The following AKAP6 variants were observed in gnomAD, a reference collection of about 807,000 sequenced individuals.
AKAP6 encodes A-kinase anchor protein 6.
Under a neutral mutation model 188.5 loss-of-function variants are expected in AKAP6, and 58 were observed. That is an observed-to-expected ratio of 0.31 (90% CI 0.25 to 0.38). The LOEUF (loss-of-function observed/expected upper bound fraction) is 0.38, where lower values mean the gene tolerates loss of function less well. Ranked by LOEUF, AKAP6 falls within the 10% of genes least tolerant of loss-of-function variation. AKAP6 has a pLI of 1.00. For synonymous variants in AKAP6, 989 were observed against 998.6 expected (o/e 0.99, Z 0.18); for missense variants, 2,710 against 2,740.0 (o/e 0.99, Z 0.24).
chr14:32,516,498 G>T (rs1469143244), intron 2 of AKAP6, among the ~76,000 whole-genome samples: 1 of 152,136 alleles, frequency 6.6e-6, no homozygotes. Context: ...CCTTGATCAG[G>T]TTTCTTATAA....
chr14:32,662,175 T>C lies in AKAP6; in HGVS notation c.2731-16136T>C, dbSNP rs578019812. 5.3e-5 allele frequency among the ~76,000 whole-genome samples: 8 copies of C among 152,200 alleles called. No individual in the cohort carries two copies. In the South Asian group the frequency reaches 1.0e-3, roughly 20 times the overall value. On this transcript the variant is annotated intron_variant, in intron 7 of 13. Coordinates refer to ENST00000280979, the MANE Select transcript of AKAP6 (RefSeq NM_004274.5). ...TGAAACTATAAAATATAAATAATTA[T>C]GTAAAATATAAAATTTTATAGTTCT...
At chr14:32,813,250 G>T (rs1164139042) in intron 12 of AKAP6, among the ~76,000 whole-genome samples, 1 of 152,120 alleles carries the variant, frequency 6.6e-6, no homozygotes, top group East Asian at 1.9e-4. Flanking sequence ...AAAGAAATGT[G>T]CAGGGTAAGG....
At chr14:32,379,943 T>C (rs1888292759) in intron 1 of AKAP6, among the ~76,000 whole-genome samples, 1 of 152,216 alleles carries the variant, frequency 6.6e-6, no homozygotes, top group Non-Finnish European at 1.5e-5. Flanking sequence ...TCTGTCTCTG[T>C]CTCATCTAGT....
chr14:32,757,656 A>G (rs1462993783), intron 11 of AKAP6, among the ~76,000 whole-genome samples: 1 of 152,230 alleles, frequency 6.6e-6, no homozygotes, highest in Non-Finnish European at 1.5e-5. Context: ...ATCTGTGTCA[A>G]GTGCTGGGCA....
chr14:32,417,498 A>C (rs1024434791), intron 1 of AKAP6, among the ~76,000 whole-genome samples: 1 of 152,192 alleles, frequency 6.6e-6, no homozygotes. Context: ...ATACACAAGG[A>C]AGCTGCCAGT....
intron 1 of AKAP6, among the ~76,000 whole-genome samples, chr14:32,389,186 G>C (rs1473752567): frequency 1.3e-5 from 2 of 152,034 alleles, no homozygotes; most frequent in Non-Finnish European, 2.9e-5. Context: ...GTGTCCATTT[G>C]CCTGAAATGT....
In AKAP6 at chr14:32,540,168, C is replaced by CTCTATA. The variant is rs1240063339; in HGVS notation, c.576+4364_576+4365insCTATAT. 6.4e-3 allele frequency among the ~76,000 whole-genome samples: 388 copies of CTCTATA among 60,828 alleles called. 2 individuals are homozygous for CTCTATA. Among genetic ancestry groups the CTCTATA allele is most frequent in the African/African-American group, 0.013 (129 of 10,210 alleles). The allele number at this position is 60,828 out of a possible 152,430, so 39.9% of individuals were successfully genotyped here. A position where few individuals can be genotyped will look rare whatever the true frequency, so the allele number is the denominator to read the frequency against. On this transcript the variant is annotated intron_variant, in intron 3 of 13. Transcript: ENST00000280979. ...TCTCTCTCTCTCTCTCTCTCTCTCT[C>CTCTATA]TATATATATATATATATATATATAT...
chr14:32,739,950 A>G (rs1166765109), intron 11 of AKAP6, among the ~76,000 whole-genome samples: 1 of 152,034 alleles, frequency 6.6e-6, no homozygotes, highest in Non-Finnish European at 1.5e-5. Flanking sequence ...GAACCTTCAA[A>G]CTGTTCCCCA....
chr14:32,490,974 G>C (rs1303872950), intron 2 of AKAP6, among the ~76,000 whole-genome samples: 1 of 152,166 alleles, frequency 6.6e-6, no homozygotes, highest in Non-Finnish European at 1.5e-5. Context: ...TTATGTCGAT[G>C]CCTCTGGGAG....
chr14:32,393,491 A>G (rs1159552709), intron 1 of AKAP6, among the ~76,000 whole-genome samples: 2 of 152,250 alleles, frequency 1.3e-5, no homozygotes, highest in East Asian at 3.9e-4. Flanking sequence ...AAAGCATATT[A>G]GTGGGACAAA....
rs558973540 is a variant in AKAP6 at position 32,405,455 on chromosome 14, A to G, written c.-34-28005A>G. Among the ~76,000 whole-genome samples the G allele has an allele frequency of 2.6e-5, 4 of 152,328 alleles. No individual in the cohort carries two copies. The East Asian group carries it at 7.7e-4, about 29-fold the overall frequency. ...GACAATTTTAAAAGACTAAATTACAATGTTGACATTATTCAAATTTGGTAA... is the reference window on the plus strand; with the variant it reads ...GACAATTTTAAAAGACTAAATTACAGTGTTGACATTATTCAAATTTGGTAA... On this transcript the variant is annotated intron_variant, in intron 1 of 13. Coordinates refer to ENST00000280979, the MANE Select transcript of AKAP6 (RefSeq NM_004274.5).
chr14:32,636,735 A>G (rs930156335), intron 7 of AKAP6, among the ~76,000 whole-genome samples: 2 of 152,288 alleles, frequency 1.3e-5, no homozygotes, highest in Middle Eastern at 3.4e-3. Flanking sequence ...CAGGAAAACA[A>G]TAAGTAATTC....
At chr14:32,772,275 A>T (rs1294343955) in intron 11 of AKAP6, among the ~76,000 whole-genome samples, 1 of 152,176 alleles carries the variant, frequency 6.6e-6, no homozygotes, top group East Asian at 1.9e-4. Flanking sequence ...AATTTGTCAG[A>T]CATGGTGGTT....
At chr14:32,778,923 A>AT (rs1184905747) in intron 12 of AKAP6, among the ~76,000 whole-genome samples, 1 of 151,668 alleles carries the variant, frequency 6.6e-6, no homozygotes, top group African/African-American at 2.4e-5. Flanking sequence ...ATTTAAAAAA[A>AT]AATAAAAGAA....
intron 8 of AKAP6, among the ~76,000 whole-genome samples, chr14:32,681,372 GAT>G (rs1889668808): frequency 1.3e-5 from 2 of 152,134 alleles, no homozygotes; most frequent in Non-Finnish European, 2.9e-5. Flanking sequence ...GAGAGGCAAA[GAT>G]AGAAAGTTTA....
At chr14:32,471,682 T>C (rs1878791256) in intron 2 of AKAP6, among the ~76,000 whole-genome samples, 1 of 152,192 alleles carries the variant, frequency 6.6e-6, no homozygotes, top group African/African-American at 2.4e-5. Flanking sequence ...ATAGCTAATA[T>C]CTTCATTGCA....
intron 7 of AKAP6, among the ~76,000 whole-genome samples, chr14:32,610,567 C>T (rs1353865418): frequency 2.0e-5 from 3 of 152,172 alleles, no homozygotes; most frequent in South Asian, 2.1e-4. Flanking sequence ...GCAGACTGTG[C>T]GATGAATACA....
chr14:32,615,411 C>CTT (rs199960304), intron 7 of AKAP6, among the ~76,000 whole-genome samples: 2,238 of 142,482 alleles, frequency 0.016, 63 homozygotes, highest in African/African-American at 0.052. Context: ...TAAGTTCCTT[C>CTT]TTTTTTTTTT....
At chr14:32,361,105 C>T (rs1363839515) in intron 1 of AKAP6, among the ~76,000 whole-genome samples, 3 of 144,072 alleles carry the variant, frequency 2.1e-5, no homozygotes, top group Non-Finnish European at 3.1e-5. Flanking sequence ...TTAGATTGGA[C>T]AGGTGGAACC....
Sources: allele counts gnomAD v4.1 joint callset (sites outside exome capture counted in the v4.1 genomes callset), GRCh38; gene constraint gnomAD v4.1.1; transcripts MANE v1.5; gene names NCBI Gene and HGNC (gene_info 2026-07-23, HGNC 2026-07-21).